The following CACNA2D1 variants were observed in gnomAD, a reference collection of about 807,000 sequenced individuals.
CACNA2D1 encodes the protein voltage-dependent calcium channel subunit alpha-2/delta-1.
CACNA2D1 carries 53 observed loss-of-function variants against 171.5 expected under a neutral mutation model. The observed-to-expected ratio is 0.31, with a 90% CI of 0.25 to 0.39. CACNA2D1 has a LOEUF of 0.39. Ranked by LOEUF, CACNA2D1 falls within the 10% of genes least tolerant of loss-of-function variation. The pLI is 1.00. For synonymous variants in CACNA2D1, 442 were observed against 443.1 expected, an observed-to-expected ratio of 1.00 and a Z score of 0.03; for missense variants, 903 against 1,299.8, an observed-to-expected ratio of 0.69 and a Z score of 4.69.
intron 12 of CACNA2D1, 150 bp from the exon 13 acceptor site, chr7:82,014,629 G>T (rs1470897691): frequency 9.4e-6 from 6 of 640,588 alleles, no homozygotes; most frequent in Non-Finnish European, 1.7e-5. Flanking sequence ...TTCAGAAAGA[G>T]ACCAGAGGAA....
chr7:82,001,613 T>A, intron 18 of CACNA2D1: 1 of 685,680 alleles, frequency 1.5e-6, no homozygotes, highest in South Asian at 1.5e-5. Context: ...AACTTGGATT[T>A]AGCAAATTTG....
chr7:82,389,303 ATTATT>A (rs1245249023), intron 1 of CACNA2D1, among the ~76,000 whole-genome samples: 1 of 151,684 alleles, frequency 6.6e-6, no homozygotes, highest in Non-Finnish European at 1.5e-5. Context: ...ATAGAAAGTT[ATTATT>A]TTGACTGTTA....
intron 3 of CACNA2D1, among the ~76,000 whole-genome samples, chr7:82,242,543 C>T (rs1385284620): frequency 6.6e-6 from 1 of 152,100 alleles, no homozygotes; most frequent in Non-Finnish European, 1.5e-5. Flanking sequence ...TTTCTGGCTG[C>T]ACATTTTCAA....
chr7:82,174,990 T>G (rs1016273269), intron 3 of CACNA2D1, among the ~76,000 whole-genome samples: 1 of 152,010 alleles, frequency 6.6e-6, no homozygotes, highest in African/African-American at 2.4e-5. Context: ...TAAACTTCTA[T>G]AAAAGCAGTA....
intron 12 of CACNA2D1, among the ~76,000 whole-genome samples, chr7:82,027,245 A>G (rs184831564): frequency 6.6e-6 from 1 of 151,834 alleles, no homozygotes; most frequent in Admixed American, 6.6e-5. Context: ...ATGGGTACTC[A>G]ATTTTCCATG....
At chr7:82,286,832 A>C (rs141246473) in intron 3 of CACNA2D1, among the ~76,000 whole-genome samples, 82 of 152,240 alleles carry the variant, frequency 5.4e-4, no homozygotes, top group African/African-American at 1.9e-3. Flanking sequence ...ATGCCTATTT[A>C]AGTGTGTGGA....
chr7:82,403,563 T>A lies in CACNA2D1; in HGVS notation c.95+39802A>T, dbSNP rs1266717563. 2.0e-5 allele frequency among the ~76,000 whole-genome samples: 3 copies of A among 152,142 alleles called. No homozygotes were observed. The East Asian group carries it at 5.8e-4, about 29-fold the overall frequency. On this transcript the variant is annotated intron_variant, in intron 1 of 38. Coordinates refer to ENST00000356860, the MANE Select transcript of CACNA2D1 (RefSeq NM_000722.4). ...AGCAATCCCCAATTTTATATCTGCA[T>A]CCCACAAAACCCAGAAAAGAAATAT...
At chr7:82,108,669 T>C (rs1217261439) in intron 6 of CACNA2D1, among the ~76,000 whole-genome samples, 2 of 152,210 alleles carry the variant, frequency 1.3e-5, no homozygotes, top group African/African-American at 4.8e-5. Flanking sequence ...TGATAAGTAG[T>C]CAATATTCTC....
chr7:81,994,779 G>A (rs1174939247), intron 20 of CACNA2D1, 89 bp downstream of exon 20: 3 of 725,322 alleles, frequency 4.1e-6, no homozygotes, highest in Admixed American at 4.1e-5. Flanking sequence ...TAAGTAAATA[G>A]TGGATTAATA....
At chr7:82,284,551 T>C (rs901390532) in intron 3 of CACNA2D1, among the ~76,000 whole-genome samples, 3 of 152,192 alleles carry the variant, frequency 2.0e-5, no homozygotes, top group African/African-American at 4.8e-5. Flanking sequence ...AAGGCACCAG[T>C]ACATTCAGTG....
At chr7:82,214,909 A>C (rs1171653921) in intron 3 of CACNA2D1, among the ~76,000 whole-genome samples, 1 of 152,192 alleles carries the variant, frequency 6.6e-6, no homozygotes, top group Non-Finnish European at 1.5e-5. Context: ...TTTTGGTGAG[A>C]CATTAACAAA....
intron 3 of CACNA2D1, among the ~76,000 whole-genome samples, chr7:82,226,530 T>C (rs1289707159): frequency 2.0e-5 from 3 of 152,164 alleles, no homozygotes; most frequent in African/African-American, 4.8e-5. Context: ...TCTGCTAACA[T>C]ACTGACTCTT....
intron 3 of CACNA2D1, among the ~76,000 whole-genome samples, chr7:82,182,444 AC>A (rs1243403882): frequency 6.6e-6 from 1 of 152,168 alleles, no homozygotes; most frequent in African/African-American, 2.4e-5. Context: ...TACCAAAATA[AC>A]AAAAACAAAA....
chr7:81,976,342 C>T (rs1795839994), intron 24 of CACNA2D1, among the ~76,000 whole-genome samples: 1 of 152,078 alleles, frequency 6.6e-6, no homozygotes, highest in Admixed American at 6.6e-5. Context: ...GCAGTATGGC[C>T]ATTTTCATGA....
At chr7:82,152,953 G>A (rs528180204) in intron 4 of CACNA2D1, among the ~76,000 whole-genome samples, 35 of 150,972 alleles carry the variant, frequency 2.3e-4, no homozygotes, top group Non-Finnish European at 4.6e-4. Context: ...ATTAACTTTC[G>A]AGAACATTCA....
chr7:82,023,966 C>G (rs1801573866), intron 12 of CACNA2D1: 1 of 151,678 alleles, frequency 6.6e-6, no homozygotes, highest in African/African-American at 2.4e-5. Flanking sequence ...AAGGTTCATC[C>G]AGGTTTGCAC....
intron 3 of CACNA2D1, among the ~76,000 whole-genome samples, chr7:82,186,069 T>C (rs757082610): frequency 2.6e-5 from 4 of 151,726 alleles, no homozygotes; most frequent in African/African-American, 7.3e-5. Flanking sequence ...GGCAGGAGAA[T>C]TGCTTGAACC....
chr7:82,305,556 A>G (rs978567448), intron 3 of CACNA2D1, among the ~76,000 whole-genome samples: 2 of 151,958 alleles, frequency 1.3e-5, no homozygotes, highest in African/African-American at 4.8e-5. Flanking sequence ...TTTCATCTAC[A>G]TAACAAGACT....
At chr7:82,406,679 CATAA>C (rs1161353490) in intron 1 of CACNA2D1, among the ~76,000 whole-genome samples, 3 of 152,172 alleles carry the variant, frequency 2.0e-5, no homozygotes, top group Non-Finnish European at 4.4e-5. Context: ...CTGTTGGCTG[CATAA>C]ATGTCTTCTT....
Sources: allele counts gnomAD v4.1 joint callset (sites outside exome capture counted in the v4.1 genomes callset), GRCh38; gene constraint gnomAD v4.1.1; transcripts MANE v1.5; gene names NCBI Gene and HGNC (gene_info 2026-07-23, HGNC 2026-07-21).